GRIN2B: variants seen among roughly 807,000 people sequenced by gnomAD.
GRIN2B encodes the protein glutamate receptor ionotropic, NMDA 2B.
A neutral mutation model predicts 114.5 loss-of-function variants in GRIN2B; 5 were observed. That is an observed-to-expected ratio of 0.04 (90% CI 0.02 to 0.09). GRIN2B has a LOEUF of 0.09. GRIN2B is among the 10% of genes least tolerant of loss of function. The pLI is 1.00. For missense variants in GRIN2B, 1,108 were observed against 1,943.5 expected (o/e 0.57, Z 8.08); for synonymous variants, 787 against 745.1 (o/e 1.06, Z -0.92).
At chr12:13,765,284 A>G (rs1347143169) in intron 3 of GRIN2B, among the ~76,000 whole-genome samples, 1 of 152,188 alleles carries the variant, frequency 6.6e-6, no homozygotes, top group Non-Finnish European at 1.5e-5. Context: ...GACCACAACT[A>G]AACCGGTTTT....
At chr12:13,908,495 C>T (rs1866580472) in intron 2 of GRIN2B, among the ~76,000 whole-genome samples, 1 of 152,092 alleles carries the variant, frequency 6.6e-6, no homozygotes, top group Non-Finnish European at 1.5e-5. Flanking sequence ...TAAAAATGTA[C>T]CCAAGTTGAT....
intron 4 of GRIN2B, among the ~76,000 whole-genome samples, chr12:13,727,192 G>C (rs1333822888): frequency 6.6e-6 from 1 of 152,152 alleles, no homozygotes; most frequent in South Asian, 2.1e-4. Flanking sequence ...TAAATAAGGA[G>C]AGTAAGACAC....
intron 3 of GRIN2B, among the ~76,000 whole-genome samples, chr12:13,764,043 T>C (rs150796675): frequency 6.6e-6 from 1 of 152,314 alleles, no homozygotes; most frequent in East Asian, 1.9e-4. Flanking sequence ...TGAAGTTTCA[T>C]TGAGAGTGCA....
chr12:13,590,350 G>A (rs543722216), intron 10 of GRIN2B, among the ~76,000 whole-genome samples: 7 of 151,882 alleles, frequency 4.6e-5, no homozygotes, highest in Non-Finnish European at 8.8e-5. Context: ...TTTAAGCCCC[G>A]CATGCATTAG....
intron 4 of GRIN2B, among the ~76,000 whole-genome samples, chr12:13,731,735 A>T (rs772108663): frequency 2.0e-5 from 3 of 152,176 alleles, no homozygotes; most frequent in Non-Finnish European, 4.4e-5. Flanking sequence ...TTGCAATCCC[A>T]ATGGCCACCA....
chr12:13,862,738 C>T (rs1457760368), intron 3 of GRIN2B, among the ~76,000 whole-genome samples: 1 of 152,082 alleles, frequency 6.6e-6, no homozygotes, highest in Non-Finnish European at 1.5e-5. Flanking sequence ...GTCCCAAAGG[C>T]TTTTTTCTCT....
chr12:13,605,192 G>T (rs954522357), intron 10 of GRIN2B, among the ~76,000 whole-genome samples: 5 of 151,862 alleles, frequency 3.3e-5, no homozygotes, highest in African/African-American at 1.2e-4. Flanking sequence ...GAATGCGGAA[G>T]ATACGTGTTA....
In GRIN2B at chr12:13,548,090, C is replaced by T. The variant is rs1948368971; in HGVS notation, c.*14693G>A. On this transcript the variant is annotated 3_prime_UTR_variant, in exon 14 of 14. Transcript: ENST00000609686. ...TAGCTTGGAAATAAATCAAAACCAT[C>T]AGAGGAATTACATTCCACCCCTAGG... The T allele has an allele frequency of 6.7e-6, 1 of 149,940 alleles. No homozygotes were observed. The highest frequency in any genetic ancestry group is 6.7e-5 in the Admixed American group (1 of 14,918). 9.3% of individuals were successfully genotyped at this position (149,940 alleles called of 1,614,324 possible).
At chr12:13,960,493 C>A (rs1867669513) in intron 2 of GRIN2B, among the ~76,000 whole-genome samples, 1 of 151,994 alleles carries the variant, frequency 6.6e-6, no homozygotes, top group South Asian at 2.1e-4. Flanking sequence ...GATTCATATG[C>A]AAAAGCACTT....
In GRIN2B at chr12:13,862,679, C is replaced by CA. The variant is rs942303852; in HGVS notation, c.411+3118dup. 1.7e-3 allele frequency among the ~76,000 whole-genome samples: 257 copies of CA among 149,386 alleles called. 1 individual carries two copies. The highest frequency in any genetic ancestry group is 4.1e-3 in the African/African-American group (167 of 40,602). On this transcript the variant is annotated intron_variant, in intron 3 of 13. Transcript: ENST00000609686. Reference sequence around the variant, plus strand: ...CTTCTATTAAAAAAACAAAACAAAACAAAAAAAAAACCTGGCCTTAGTTTT... The same window carrying CA: ...CTTCTATTAAAAAAACAAAACAAAACAAAAAAAAAAACCTGGCCTTAGTTTT...
At chr12:13,976,840 A>C (rs1459906114) in intron 2 of GRIN2B, among the ~76,000 whole-genome samples, 2 of 152,118 alleles carry the variant, frequency 1.3e-5, no homozygotes, top group African/African-American at 4.8e-5. Flanking sequence ...AATGTTTTAC[A>C]AGGTAATATT....
chr12:13,587,589 A>G (rs928779851), intron 10 of GRIN2B, among the ~76,000 whole-genome samples: 2 of 152,192 alleles, frequency 1.3e-5, no homozygotes, highest in African/African-American at 4.8e-5. Flanking sequence ...TCCTGGGCTC[A>G]AGTGATCTTC....
At position 13,564,668 on chromosome 12, in the gene GRIN2B, ATC is replaced by A. The variant is rs1565454944; in HGVS notation, c.2599-31_2599-30del. ...AAGCAAGAATGGAGGGACAGGTTAG[ATC>A]TCCAGAGAGGCTAGAAATGACCACA... is the stretch of plus-strand genomic sequence containing the variant. On this transcript the variant is annotated intron_variant, in intron 13 of 13. Transcript: ENST00000609686. The surrounding 1 kb of genome is among the most constrained non-coding windows in gnomAD (Gnocchi z 4.8). 1.9e-6 allele frequency: 3 copies of A among 1,602,816 alleles called. No homozygotes were observed. The highest frequency in any genetic ancestry group is 4.5e-5 in the East Asian group (2 of 44,822).
chr12:13,929,222 C>T (rs887122515), intron 2 of GRIN2B, among the ~76,000 whole-genome samples: 1 of 152,102 alleles, frequency 6.6e-6, no homozygotes, highest in Admixed American at 6.6e-5. Flanking sequence ...AATGGGAGAC[C>T]GGCATGGGTT....
intron 2 of GRIN2B, among the ~76,000 whole-genome samples, chr12:13,920,098 A>C (rs1866797395): frequency 6.6e-6 from 1 of 151,984 alleles, no homozygotes; most frequent in Non-Finnish European, 1.5e-5. Flanking sequence ...CCGCCTCCTC[A>C]CTGAAAAAAA....
chr12:13,744,480 G>A lies in GRIN2B; in HGVS notation c.1010+8837C>T, dbSNP rs564693904. Among the ~76,000 whole-genome samples, 9 of 152,262 alleles carry A rather than the reference G, an allele frequency of 5.9e-5. No homozygotes were observed. In the South Asian group the frequency reaches 1.9e-3, roughly 32 times the overall value. On this transcript the variant is annotated intron_variant, in intron 4 of 13. Coordinates refer to ENST00000609686, the MANE Select transcript of GRIN2B (RefSeq NM_000834.5). Reference sequence around the variant, plus strand: ...TATGAACATAGAAAGGTAAAGGCAAGAAAGGTTTTAAAAGCTTTAAATGAA... The same window carrying A: ...TATGAACATAGAAAGGTAAAGGCAAAAAAGGTTTTAAAAGCTTTAAATGAA...
rs368118295 is a variant in GRIN2B at position 13,957,984 on chromosome 12, C to A, written c.-19+21944G>T. 4.6e-4 allele frequency among the ~76,000 whole-genome samples: 70 copies of A among 152,282 alleles called. No individual in the cohort carries two copies. In the South Asian group the frequency reaches 0.013, roughly 29 times the overall value. Reference sequence around the variant, plus strand: ...GTTGGCACTTAAATTAACTGAAATTCTCCATTCTCACTAGTCACAGGTGGC... The same window carrying A: ...GTTGGCACTTAAATTAACTGAAATTATCCATTCTCACTAGTCACAGGTGGC... On this transcript the variant is annotated intron_variant, in intron 2 of 13. Coordinates refer to ENST00000609686, the MANE Select transcript of GRIN2B (RefSeq NM_000834.5).
At chr12:13,586,933 AGTTG>A (rs1591622711) in intron 10 of GRIN2B, among the ~76,000 whole-genome samples, 1 of 152,326 alleles carries the variant, frequency 6.6e-6, no homozygotes, top group East Asian at 1.9e-4. Context: ...TTCATTGACT[AGTTG>A]GTTAATTAAT....
chr12:13,769,770 G>T (rs1863870943), intron 3 of GRIN2B, among the ~76,000 whole-genome samples: 1 of 152,308 alleles, frequency 6.6e-6, no homozygotes, highest in African/African-American at 2.4e-5. Context: ...TAAATAAGCA[G>T]GTAGATGGGG....
Sources: allele counts gnomAD v4.1 joint callset (sites outside exome capture counted in the v4.1 genomes callset), GRCh38; gene constraint gnomAD v4.1.1; non-coding constraint Gnocchi (gnomAD v3.1); transcripts MANE v1.5; gene names NCBI Gene and HGNC (gene_info 2026-07-23, HGNC 2026-07-21).